BCHE: variants seen among roughly 807,000 people sequenced by gnomAD.
The protein encoded by BCHE is cholinesterase.
BCHE carries 48 observed loss-of-function variants against 51.3 expected under a neutral mutation model. That is an observed-to-expected ratio of 0.94 (90% CI 0.74 to 1.19). The LOEUF (loss-of-function observed/expected upper bound fraction) is 1.19. Ranked by LOEUF, BCHE falls within the 50% of genes most tolerant of loss-of-function variation. The pLI, the probability that BCHE is intolerant of heterozygous loss-of-function variation, is 0.00. For synonymous variants in BCHE, 251 were observed against 238.0 expected (o/e 1.05, Z -0.50); for missense variants, 847 against 708.2 (o/e 1.20, Z -2.23).
chr3:165,813,641 AAC>A (rs1282647097), intron 2 of BCHE, among the ~76,000 whole-genome samples: 13 of 151,918 alleles, frequency 8.6e-5, no homozygotes, highest in Admixed American at 2.0e-4. Flanking sequence ...AAAATGTTGA[AAC>A]ACAATAAAAA....
intron 2 of BCHE, among the ~76,000 whole-genome samples, chr3:165,791,797 A>C (rs1056955730): frequency 6.6e-6 from 1 of 151,994 alleles, no homozygotes; most frequent in African/African-American, 2.4e-5. Context: ...TACTGAAAAT[A>C]CAAAAATTAC....
chr3:165,814,293 A>T (rs1714222086), intron 2 of BCHE, among the ~76,000 whole-genome samples: 1 of 152,096 alleles, frequency 6.6e-6, no homozygotes, highest in South Asian at 2.1e-4. Flanking sequence ...TTTTATGACT[A>T]CCTTCTTTGA....
chr3:165,785,515 T>C (rs181201024), intron 3 of BCHE, among the ~76,000 whole-genome samples: 1 of 151,956 alleles, frequency 6.6e-6, no homozygotes, highest in East Asian at 1.9e-4. Context: ...TCATCGTATT[T>C]CCTTACCCAT....
chr3:165,831,305 T>TTACAAAG (rs1186021722), intron 1 of BCHE, among the ~76,000 whole-genome samples: 1 of 152,122 alleles, frequency 6.6e-6, no homozygotes, highest in East Asian at 1.9e-4. Context: ...AAGGAAGAGC[T>TTACAAAG]AGTATTTTAA....
intron 2 of BCHE, among the ~76,000 whole-genome samples, chr3:165,793,101 C>G (rs1418616198): frequency 6.6e-6 from 1 of 152,086 alleles, no homozygotes; most frequent in East Asian, 1.9e-4. Context: ...ACATCTTTGC[C>G]TACATCAATG....
rs116855909 is a variant in BCHE at position 165,792,677 on chromosome 3, G to T, written c.1518-6366C>A. Among the ~76,000 whole-genome samples, 308 of 152,128 alleles carry T rather than the reference G, an allele frequency of 2.0e-3. 10 individuals are homozygous for T. The East Asian group carries it at 0.037, about 18-fold the overall frequency. On this transcript the variant is annotated intron_variant, in intron 2 of 3. Transcript: ENST00000264381. ...ACCAATTAACTAAGAATCTCAAATCGATTACTAAGATAAAATAGATTAATT... is the reference window on the plus strand; with the variant it reads ...ACCAATTAACTAAGAATCTCAAATCTATTACTAAGATAAAATAGATTAATT...
Position 165,786,260 on chromosome 3 carries a change from G to A in BCHE, c.1569C>T (p.Ser523=). 1 of 1,611,964 alleles carries A rather than the reference G, an allele frequency of 6.2e-7. No homozygotes were observed. Among genetic ancestry groups the A allele is most frequent in the Non-Finnish European group, 8.5e-7 (1 of 1,178,592 alleles). ...NNSTSWPVFK[S]TEQKYLTLNT... ...TCAAGGTTAGATATTTTTGTTCAGT[G>A]CTTTTGAAGACAGGCCAGCTTGTGC... The change falls in exon 3 of 4, where the codon AGC becomes AGT. Residue 523 remains serine (S), a synonymous_variant. Transcript: ENST00000264381.
chr3:165,785,328 A>G (rs150822820), intron 3 of BCHE, among the ~76,000 whole-genome samples: 262 of 151,994 alleles, frequency 1.7e-3, no homozygotes, highest in African/African-American at 6.1e-3. Flanking sequence ...TTCAGAAAGT[A>G]TACTTAAGGA....
intron 3 of BCHE, chr3:165,777,875 CTCTTATGA>C (rs1209472506): frequency 2.8e-6 from 1 of 354,988 alleles, no homozygotes; most frequent in African/African-American, 2.1e-5. Context: ...TATATTTTCT[CTCTTATGA>C]TTTTCATTTT....
At chr3:165,775,781 T>C (rs1182366833) in intron 3 of BCHE, among the ~76,000 whole-genome samples, 2 of 151,986 alleles carry the variant, frequency 1.3e-5, no homozygotes, top group Non-Finnish European at 2.9e-5. Flanking sequence ...ATAGGGGGCA[T>C]TGATTGAGAC....
intron 2 of BCHE, among the ~76,000 whole-genome samples, chr3:165,803,414 A>G (rs1713742824): frequency 6.6e-6 from 1 of 152,176 alleles, no homozygotes; most frequent in African/African-American, 2.4e-5. Context: ...TACAGACACT[A>G]AGAAATTTAG....
Position 165,829,596 on chromosome 3 carries a change from T to C in BCHE, c.1438A>G (p.Arg480Gly), listed in dbSNP as rs150384913. Reference protein sequence around the residue: ...IEFVFGLPLERRDNYTKAEEI... With the variant: ...IEFVFGLPLEGRDNYTKAEEI... ...TCGGCTTTTGTGTAATTATCTCTTC[T>C]TTCCAGAGGTAAACCAAAGACAAAT... Residue 480 changes from arginine to glycine, a missense_variant, in exon 2 of 4, where the codon AGA becomes GGA. Coordinates refer to ENST00000264381, the MANE Select transcript of BCHE (RefSeq NM_000055.4). 8.1e-5 allele frequency: 131 copies of C among 1,613,718 alleles called. No individual in the cohort carries two copies. The highest frequency in any genetic ancestry group is 1.1e-4 in the Non-Finnish European group (125 of 1,179,872).
chr3:165,794,179 G>A (rs1052708826), intron 2 of BCHE, among the ~76,000 whole-genome samples: 4 of 151,816 alleles, frequency 2.6e-5, no homozygotes, highest in South Asian at 4.2e-4. Context: ...ATATTAATCC[G>A]TGAATGCATT....
intron 2 of BCHE, among the ~76,000 whole-genome samples, chr3:165,803,938 C>G (rs888300876): frequency 8.6e-5 from 13 of 152,016 alleles, no homozygotes; most frequent in Admixed American, 6.6e-5. Context: ...CTGATATCAC[C>G]CATGGAATAA....
At position 165,830,606 on chromosome 3, in the gene BCHE, C is replaced by T. The variant is rs201820739; in HGVS notation, c.428G>A (p.Gly143Asp). The T allele has an allele frequency of 3.3e-4, 529 of 1,614,004 alleles. No individual in the cohort carries two copies. Among genetic ancestry groups the T allele is most frequent in the Non-Finnish European group, 3.8e-4 (454 of 1,179,952 alleles). Residue 143 changes from glycine to aspartate, a missense_variant, in exon 2 of 4, where the codon GGT becomes GAT. Coordinates refer to ENST00000264381, the MANE Select transcript of BCHE (RefSeq NM_000055.4). The part of the protein sequence containing the change: ...KNATVLIWIY[G>D]GGFQTGTSSL... ...TGATGTTCCAGTTTGAAAACCACCA[C>T]CATAAATCCATATCAATACAGTGGC...
chr3:165,820,517 A>T (rs1355560915), intron 2 of BCHE, among the ~76,000 whole-genome samples: 2 of 152,042 alleles, frequency 1.3e-5, no homozygotes, highest in Non-Finnish European at 1.5e-5. Flanking sequence ...TGCTGTTATG[A>T]TAACAATAAA....
chr3:165,813,569 G>A (rs1400674038), intron 2 of BCHE, among the ~76,000 whole-genome samples: 1 of 151,662 alleles, frequency 6.6e-6, no homozygotes, highest in Non-Finnish European at 1.5e-5. Flanking sequence ...TTACAACTGT[G>A]ATTGAACTTA....
chr3:165,814,415 AAGG>A (rs1002858396), intron 2 of BCHE, among the ~76,000 whole-genome samples: 1 of 152,146 alleles, frequency 6.6e-6, no homozygotes, highest in African/African-American at 2.4e-5. Flanking sequence ...ATTCAGGTTA[AAGG>A]AGAAGGCAAG....
chr3:165,777,620 G>C (rs1712521911), intron 3 of BCHE: 1 of 269,642 alleles, frequency 3.7e-6, no homozygotes, highest in Non-Finnish European at 7.7e-6. Context: ...CAGGGGCAAA[G>C]CAAATTTGCA....
Sources: gnomAD v4.1 joint callset for allele counts (sites outside exome capture counted in the v4.1 genomes callset) on GRCh38, gnomAD v4.1.1 for gene constraint, MANE v1.5 for transcripts, NCBI Gene and HGNC (gene_info 2026-07-23, HGNC 2026-07-21) for gene names.